Variants in MAGI1 observed in about 807,000 individuals in gnomAD.
The protein encoded by MAGI1 is membrane-associated guanylate kinase, WW and PDZ domain-containing protein 1.
A neutral mutation model predicts 139.9 loss-of-function variants in MAGI1; 58 were observed. The ratio of observed to expected loss-of-function variants is 0.41; its 90% CI spans 0.34 to 0.52. The LOEUF (loss-of-function observed/expected upper bound fraction) is 0.52. MAGI1 is among the 20% of genes least tolerant of loss of function. The pLI, the probability that MAGI1 is intolerant of heterozygous loss-of-function variation, is 0.12. For missense variants in MAGI1, 1,874 were observed against 1,901.6 expected, an observed-to-expected ratio of 0.99 and a Z score of 0.27; for synonymous variants, 812 against 737.9, an observed-to-expected ratio of 1.10 and a Z score of -1.63.
intron 4 of MAGI1, among the ~76,000 whole-genome samples, chr3:65,472,823 T>C (rs1182761918): frequency 2.6e-5 from 4 of 152,214 alleles, no homozygotes; most frequent in African/African-American, 7.2e-5. Context: ...TCAAGACAAG[T>C]TGGAAATCTG....
chr3:65,766,748 G>T (rs1233509549), intron 1 of MAGI1, among the ~76,000 whole-genome samples: 1 of 152,008 alleles, frequency 6.6e-6, no homozygotes, highest in Non-Finnish European at 1.5e-5. Context: ...AATTAGCCAG[G>T]TGTGATGGCA....
intron 2 of MAGI1, among the ~76,000 whole-genome samples, chr3:65,503,382 A>C (rs529536363): frequency 6.6e-6 from 1 of 152,194 alleles, no homozygotes; most frequent in Admixed American, 6.5e-5. Flanking sequence ...GGCAACATAA[A>C]TGGATCCTTT....
intron 12 of MAGI1, among the ~76,000 whole-genome samples, chr3:65,410,466 C>T (rs1945709009): frequency 1.3e-5 from 2 of 152,180 alleles, no homozygotes; most frequent in South Asian, 2.1e-4. Flanking sequence ...TATATGCTGT[C>T]ATTCAAAGGT....
intron 1 of MAGI1, among the ~76,000 whole-genome samples, chr3:65,753,677 C>T (rs1226990266): frequency 6.8e-6 from 1 of 146,818 alleles, no homozygotes; most frequent in Non-Finnish European, 1.5e-5. Context: ...GCCAAGATCG[C>T]ACCACCACAA....
In MAGI1 at chr3:65,517,880, C is replaced by A. The variant is rs538547775; in HGVS notation, c.431-24249G>T. On this transcript the variant is annotated intron_variant, in intron 2 of 22. Coordinates refer to ENST00000402939, the MANE Select transcript of MAGI1 (RefSeq NM_001033057.2). Reference sequence around the variant, plus strand: ...TTTTTCAGATCTCCAACACCAATTCCCCATAACAGAGTCCCTCTGTTGAAA... The same window carrying A: ...TTTTTCAGATCTCCAACACCAATTCACCATAACAGAGTCCCTCTGTTGAAA... Among the ~76,000 whole-genome samples the A allele has an allele frequency of 4.1e-4, 62 of 152,274 alleles. 1 individual carries two copies. Among genetic ancestry groups the A allele is most frequent in the African/African-American group, 1.4e-3 (59 of 41,548 alleles).
chr3:65,682,049 AT>A (rs933866516), intron 1 of MAGI1, among the ~76,000 whole-genome samples: 2 of 152,116 alleles, frequency 1.3e-5, no homozygotes, highest in African/African-American at 4.8e-5. Flanking sequence ...CACATCCACA[AT>A]TTTAACTTCT....
intron 1 of MAGI1, among the ~76,000 whole-genome samples, chr3:65,682,373 A>G (rs2107519697): frequency 6.6e-6 from 1 of 152,344 alleles, no homozygotes; most frequent in East Asian, 1.9e-4. Context: ...AAAGAGACCT[A>G]GATCAAGGGA....
At chr3:65,797,758 T>G (rs1207257322) in intron 1 of MAGI1, among the ~76,000 whole-genome samples, 1 of 152,088 alleles carries the variant, frequency 6.6e-6, no homozygotes, top group African/African-American at 2.4e-5. Context: ...AATACTAATA[T>G]TTTAACCAAT....
chr3:65,544,169 A>G lies in MAGI1; in HGVS notation c.431-50538T>C, dbSNP rs116423644. The stretch of plus-strand genomic sequence containing the variant: ...TATTCTTGGTGCCTTTTATATTTTT[A>G]TATTTTACAAATTATAATAAATGAT... On this transcript the variant is annotated intron_variant, in intron 2 of 22. Transcript: ENST00000402939. 8.5e-3 allele frequency among the ~76,000 whole-genome samples: 1,297 copies of G among 152,274 alleles called. 19 individuals carry two copies. The highest frequency in any genetic ancestry group is 0.03 in the African/African-American group (1,232 of 41,556).
intron 2 of MAGI1, chr3:65,597,668 C>T: frequency 2.2e-6 from 1 of 456,590 alleles, no homozygotes; most frequent in South Asian, 1.5e-5. Context: ...ATTCCCACAA[C>T]CCAAGCTCAA....
At chr3:65,860,453 C>T (rs577782107) in intron 1 of MAGI1, among the ~76,000 whole-genome samples, 32 of 152,290 alleles carry the variant, frequency 2.1e-4, no homozygotes, top group African/African-American at 7.7e-4. Flanking sequence ...GATAGAGACA[C>T]GGAGGCAGAG....
At chr3:65,986,566 A>G (rs1399981980) in intron 1 of MAGI1, among the ~76,000 whole-genome samples, 1 of 152,152 alleles carries the variant, frequency 6.6e-6, no homozygotes, top group Non-Finnish European at 1.5e-5. Context: ...GATGCACCCG[A>G]TTTCCTTTTC....
intron 1 of MAGI1, among the ~76,000 whole-genome samples, chr3:65,956,445 A>G (rs1039950811): frequency 2.6e-5 from 4 of 152,206 alleles, no homozygotes; most frequent in African/African-American, 9.7e-5. Context: ...CCCCACCTTC[A>G]GTTAAGGATT....
chr3:65,904,324 A>G (rs1178670765), intron 1 of MAGI1, among the ~76,000 whole-genome samples: 5 of 152,292 alleles, frequency 3.3e-5, no homozygotes, highest in African/African-American at 1.2e-4. Flanking sequence ...AGGTCACACA[A>G]TCTCAGGCCC....
In MAGI1 at chr3:65,356,994, T is replaced by C. The variant is rs773955229; in HGVS notation, c.3773A>G (p.Glu1258Gly). The change falls in exon 23 of 23, where the codon GAA becomes GGA. Residue 1258 changes from glutamate to glycine, a missense_variant. This residue lies in a region of MAGI1 where 653 missense variants were observed against 644.5 expected (regional missense o/e 1.01). Coordinates refer to ENST00000402939, the MANE Select transcript of MAGI1 (RefSeq NM_001033057.2). ...CGGATCCCTTGCGTGTGCCCGCTTT[T>C]CCCCATGTGGTGATGATTTGTGAAG... is the stretch of plus-strand genomic sequence containing the variant. ...PDLHKSSPHGEKRAHARDPKG... is the reference protein window; with the variant it reads ...PDLHKSSPHGGKRAHARDPKG... The C allele has an allele frequency of 7.4e-6, 12 of 1,614,066 alleles. No homozygotes were observed. In the African/African-American group the frequency reaches 1.6e-4, roughly 22 times the overall value.
At chr3:65,369,076 TA>T (rs1162037870) in intron 18 of MAGI1, among the ~76,000 whole-genome samples, 1 of 152,180 alleles carries the variant, frequency 6.6e-6, no homozygotes, top group Non-Finnish European at 1.5e-5. Context: ...TGCCATTGTG[TA>T]TTTATTCATT....
In MAGI1 at chr3:65,612,511, AAT is replaced by A. The variant is rs559679203; in HGVS notation, c.430+9459_430+9460del. The stretch of plus-strand genomic sequence containing the variant: ...TGGTTAATTTTAAATGCAATAAAAA[AAT>A]ATGTCATTGATCATTTTAAAAGTCT... On this transcript the variant is annotated intron_variant, in intron 2 of 22. Coordinates refer to ENST00000402939, the MANE Select transcript of MAGI1 (RefSeq NM_001033057.2). Among the ~76,000 whole-genome samples the A allele has an allele frequency of 3.1e-3, 469 of 152,298 alleles. 2 individuals carry two copies. Among genetic ancestry groups the A allele is most frequent in the African/African-American group, 0.011 (447 of 41,566 alleles).
chr3:65,640,620 T>C (rs1048410379), intron 1 of MAGI1, among the ~76,000 whole-genome samples: 1 of 152,198 alleles, frequency 6.6e-6, no homozygotes, highest in African/African-American at 2.4e-5. Flanking sequence ...CCTCACCTTT[T>C]TGGAAGGAAG....
intron 2 of MAGI1, among the ~76,000 whole-genome samples, chr3:65,529,435 G>T (rs1413827259): frequency 6.6e-6 from 1 of 152,132 alleles, no homozygotes; most frequent in Non-Finnish European, 1.5e-5. Context: ...TCATACAAAT[G>T]GAATGATACA....
Sources: allele counts gnomAD v4.1 joint callset (sites outside exome capture counted in the v4.1 genomes callset), GRCh38; gene constraint gnomAD v4.1.1; regional missense constraint gnomAD v4.1.1; transcripts MANE v1.5; gene names NCBI Gene and HGNC (gene_info 2026-07-23, HGNC 2026-07-21).